Variants in PCDHGA1 observed in about 807,000 individuals in gnomAD.
PCDHGA1 encodes the protein protocadherin gamma-A1.
A neutral mutation model predicts 58.0 loss-of-function variants in PCDHGA1; 32 were observed. The ratio of observed to expected loss-of-function variants is 0.55; its 90% CI spans 0.42 to 0.74. The LOEUF (loss-of-function observed/expected upper bound fraction) is 0.74, where lower values mean the gene tolerates loss of function less well. PCDHGA1 is among the 30% of genes least tolerant of loss of function. The probability of loss-of-function intolerance (pLI) is 0.00; values close to 1 mark genes in which losing one functional copy is unlikely to be tolerated. For synonymous variants in PCDHGA1, 498 were observed against 501.1 expected, an observed-to-expected ratio of 0.99 and a Z score of 0.08; for missense variants, 1,205 against 1,182.3, an observed-to-expected ratio of 1.02 and a Z score of -0.28.
Position 141,332,791 on chromosome 5 carries a change from G to A in PCDHGA1, c.2107G>A (p.Val703Ile), listed in dbSNP as rs1348487643. 24 of 1,614,170 alleles carry A rather than the reference G, an allele frequency of 1.5e-5. No homozygotes were observed. Among genetic ancestry groups the A allele is most frequent in the Non-Finnish European group, 1.9e-5 (23 of 1,180,026 alleles). ...LVVAAAAVSC[V>I]FLAFVIVLLA... ...GGTGGCGGCGGCCGCGGTCTCCTGC[G>A]TCTTCCTGGCCTTCGTCATCGTGCT... Residue 703 changes from valine to isoleucine, a missense_variant, in exon 1 of 4, where the codon GTC becomes ATC. Physicochemically the swap from Val to Ile is conservative, Grantham distance 29. Transcript: ENST00000517417. This position sits in a 1 kb window ranked among gnomAD's most constrained non-coding sequence, Gnocchi z 4.6.
chr5:141,353,634 C>T (rs909718764), intron 1 of PCDHGA1, among the ~76,000 whole-genome samples: 1 of 152,114 alleles, frequency 6.6e-6, no homozygotes, highest in Non-Finnish European at 1.5e-5. Context: ...TATGCTCTTT[C>T]TATTTTGTCT....
rs1756361198 is a variant in PCDHGA1 at position 141,331,492 on chromosome 5, GAT to G, written c.809_810del (p.Asp270GlyfsTer34). ...GCTCATGGTAAATGCCACTGACCCT[GAT>G]GAGGGAGCCAATGGGGAAGTAACGT... ...QLLMVNATDPDEGANGEVTYS... is the reference protein window; with the variant it reads ...QLLMVNATDPXEGANGEVTYS... On this transcript the variant is annotated frameshift_variant, in exon 1 of 4. Transcript: ENST00000517417. LOFTEE classifies it high-confidence loss of function. 1.9e-6 allele frequency: 3 copies of G among 1,614,048 alleles called. No individual in the cohort carries two copies. In the African/African-American group the frequency reaches 4.0e-5, roughly 22 times the overall value.
intron 1 of PCDHGA1, chr5:141,351,507 T>A: frequency 2.5e-6 from 4 of 1,613,950 alleles, no homozygotes; most frequent in Non-Finnish European, 3.4e-6. Flanking sequence ...GACTACAACG[T>A]CACAATCATA....
chr5:141,376,169 G>C (rs779538880), intron 1 of PCDHGA1: 1 of 1,614,106 alleles, frequency 6.2e-7, no homozygotes, highest in South Asian at 1.1e-5. Flanking sequence ...CCTGGTGGTG[G>C]CGGTGGCCGC....
At chr5:141,368,960 T>G (rs1765952746) in intron 1 of PCDHGA1, among the ~76,000 whole-genome samples, 2 of 152,218 alleles carry the variant, frequency 1.3e-5, no homozygotes, top group African/African-American at 2.4e-5. Flanking sequence ...TAGTTTAAGA[T>G]GCTATAATGC....
chr5:141,453,746 T>C (rs1345046460), intron 1 of PCDHGA1, among the ~76,000 whole-genome samples: 1 of 152,254 alleles, frequency 6.6e-6, no homozygotes, highest in Non-Finnish European at 1.5e-5. Flanking sequence ...TTAAATAACA[T>C]AAGTCTCCTA....
intron 1 of PCDHGA1, chr5:141,346,260 G>C: frequency 6.2e-7 from 1 of 1,614,212 alleles, no homozygotes; most frequent in Non-Finnish European, 8.5e-7. Context: ...CTTTGTGGGC[G>C]CGGACGGGGT....
intron 1 of PCDHGA1, chr5:141,374,044 T>C: frequency 6.8e-7 from 1 of 1,465,536 alleles, no homozygotes; most frequent in Non-Finnish European, 9.0e-7. Flanking sequence ...GATCTGTTCT[T>C]CCTCTTCTTA....
rs1591273286 is a variant in PCDHGA1, at chr5:141,433,311, T to A, written c.2422-61496T>A. 11 of 870,402 alleles carry A rather than the reference T, an allele frequency of 1.3e-5. No individual in the cohort carries two copies. The East Asian group carries it at 2.9e-4, about 23-fold the overall frequency. 53.9% of individuals were successfully genotyped at this position (870,402 alleles called of 1,614,324 possible). A position where few individuals can be genotyped will look rare whatever the true frequency, so the allele number is the denominator to read the frequency against. On this transcript the variant is annotated intron_variant, in intron 1 of 3. Coordinates refer to ENST00000517417, the MANE Select transcript of PCDHGA1 (RefSeq NM_018912.3). Reference sequence around the variant, plus strand: ...TAGGCTCAAGCAATTATCCCACCTTTGCCTCCGGTGTAACAGGGACTACAG... The same window carrying A: ...TAGGCTCAAGCAATTATCCCACCTTAGCCTCCGGTGTAACAGGGACTACAG...
chr5:141,366,249 A>G (rs1307246069), intron 1 of PCDHGA1: 1 of 1,613,634 alleles, frequency 6.2e-7, no homozygotes, highest in Non-Finnish European at 8.5e-7. Context: ...GCGCTCAAGC[A>G]GAGCCTCGTG....
Position 141,502,866 on chromosome 5 carries a change from C to CTTTTTTTTTTTTT in PCDHGA1, c.2481-2525_2481-2513dup, listed in dbSNP as rs549047197. ...GAGCTGCCTAACCCTGACTCTCTGT[C>CTTTTTTTTTTTTT]TTTTTTTTTTTTTTGACAGGGAGTC... On this transcript the variant is annotated intron_variant, in intron 2 of 3. Transcript: ENST00000517417. Among the ~76,000 whole-genome samples, 40 of 128,010 alleles carry CTTTTTTTTTTTTT rather than the reference C, an allele frequency of 3.1e-4. 6 individuals carry two copies. The highest frequency in any genetic ancestry group is 5.1e-4 in the Admixed American group (6 of 11,656). 84.0% of individuals were successfully genotyped at this position (128,010 alleles called of 152,430 possible). A position where few individuals can be genotyped will look rare whatever the true frequency, so the allele number is the denominator to read the frequency against.
chr5:141,393,472 C>T lies in PCDHGA1; in HGVS notation c.2421+60367C>T, dbSNP rs575533120. On this transcript the variant is annotated intron_variant, in intron 1 of 3. Coordinates refer to ENST00000517417, the MANE Select transcript of PCDHGA1 (RefSeq NM_018912.3). ...CTCACGGCCTCGGATGGCGGCAAGC[C>T]GCCTCGCTCTAGCACAGTGCGCATC... 3.5e-5 allele frequency: 57 copies of T among 1,614,022 alleles called. 2 individuals carry two copies. The South Asian group carries it at 4.2e-4, about 12-fold the overall frequency.
chr5:141,390,358 G>A lies in PCDHGA1; in HGVS notation c.2421+57253G>A, dbSNP rs934109377. ...TATTCACAAGAAAATATACATATTT[G>A]CAGGAAAATATATAATTTTTAGATG... is the stretch of plus-strand genomic sequence containing the variant. On this transcript the variant is annotated intron_variant, in intron 1 of 3. Coordinates refer to ENST00000517417, the MANE Select transcript of PCDHGA1 (RefSeq NM_018912.3). The A allele has an allele frequency of 3.9e-6, 6 of 1,540,796 alleles. No homozygotes were observed. In the African/African-American group the frequency reaches 8.3e-5, roughly 21 times the overall value.
chr5:141,410,710 CAT>C lies in PCDHGA1; in HGVS notation c.2421+77608_2421+77609del, dbSNP rs140431021. 1.9e-3 allele frequency: 2,785 copies of C among 1,444,504 alleles called. 45 individuals are homozygous for C. In the African/African-American group the frequency reaches 0.033, roughly 17 times the overall value. The allele number at this position is 1,444,504 out of a possible 1,614,324, so 89.5% of individuals were successfully genotyped here. On this transcript the variant is annotated intron_variant, in intron 1 of 3. Coordinates refer to ENST00000517417, the MANE Select transcript of PCDHGA1 (RefSeq NM_018912.3). ...ACTACTTTATTTTCATATCTAGAATCATATGTTTAAAATCCATAGCTTTTTAC... is the reference window on the plus strand; with the variant it reads ...ACTACTTTATTTTCATATCTAGAATCATGTTTAAAATCCATAGCTTTTTAC...
chr5:141,465,429 A>G (rs1191638112), intron 1 of PCDHGA1, among the ~76,000 whole-genome samples: 2 of 152,316 alleles, frequency 1.3e-5, no homozygotes, highest in East Asian at 3.9e-4. Context: ...AAAGGTGGGC[A>G]CTTAATGATT....
intron 1 of PCDHGA1, chr5:141,360,361 A>G (rs778766026): frequency 6.2e-7 from 1 of 1,613,910 alleles, no homozygotes; most frequent in Non-Finnish European, 8.5e-7. Flanking sequence ...GGAATATTTC[A>G]CAGTAAACCC....
intron 1 of PCDHGA1, among the ~76,000 whole-genome samples, chr5:141,458,719 G>A (rs891521416): frequency 5.9e-5 from 9 of 151,684 alleles, no homozygotes; most frequent in Non-Finnish European, 1.2e-4. Context: ...ACAGGTATTC[G>A]CCACCACATC....
chr5:141,375,769 C>T, intron 1 of PCDHGA1: 1 of 1,614,238 alleles, frequency 6.2e-7, no homozygotes, highest in Non-Finnish European at 8.5e-7. Flanking sequence ...CGCCCGAGAT[C>T]CTGTACCCCG....
intron 1 of PCDHGA1, chr5:141,339,239 A>G: frequency 6.2e-7 from 1 of 1,614,272 alleles, no homozygotes; most frequent in Non-Finnish European, 8.5e-7. Context: ...TGCGAACAGG[A>G]TAGACCGGGA....
Sources: allele counts gnomAD v4.1 joint callset (sites outside exome capture counted in the v4.1 genomes callset), GRCh38; gene constraint gnomAD v4.1.1; non-coding constraint Gnocchi (gnomAD v3.1); transcripts MANE v1.5; gene names NCBI Gene and HGNC (gene_info 2026-07-23, HGNC 2026-07-21).